The following NCKAP5 variants were observed in gnomAD, a reference collection of about 807,000 sequenced individuals.
NCKAP5 encodes the protein nck-associated protein 5.
In NCKAP5, 92 loss-of-function variants were observed where a neutral mutation model predicts 167.0. That is an observed-to-expected ratio of 0.55 (90% CI 0.47 to 0.66). The LOEUF (loss-of-function observed/expected upper bound fraction) is 0.66. Among genes scored for constraint, NCKAP5 ranks in the 30% least tolerant of loss-of-function variants. The probability of loss-of-function intolerance (pLI) is 0.00; values close to 1 mark genes in which losing one functional copy is unlikely to be tolerated. For missense variants in NCKAP5, 2,378 were observed against 2,315.0 expected, an observed-to-expected ratio of 1.03 and a Z score of -0.56; for synonymous variants, 891 against 877.4, an observed-to-expected ratio of 1.02 and a Z score of -0.27.
chr2:133,612,148 A>G, the NCKAP5 span, among the ~76,000 whole-genome samples: 3 of 152,164 alleles, frequency 2.0e-5, no homozygotes, highest in Non-Finnish European at 2.9e-5. Context: ...TCCAATGATG[A>G]CCTTGGAATG....
intron 8 of NCKAP5, among the ~76,000 whole-genome samples, chr2:132,904,982 ATCT>A (rs1175032238): frequency 6.6e-6 from 1 of 152,150 alleles, no homozygotes; most frequent in Non-Finnish European, 1.5e-5. Flanking sequence ...AGTCAAATCA[ATCT>A]TCTTTTTCCT....
intron 8 of NCKAP5, among the ~76,000 whole-genome samples, chr2:132,902,553 TG>T (rs1693706898): frequency 6.6e-6 from 1 of 152,270 alleles, no homozygotes; most frequent in Non-Finnish European, 1.5e-5. Context: ...CATTAAAAGC[TG>T]CCCAGGTATT....
At chr2:133,256,401 T>G (rs2088620464) in intron 4 of NCKAP5, among the ~76,000 whole-genome samples, 1 of 152,182 alleles carries the variant, frequency 6.6e-6, no homozygotes, top group South Asian at 2.1e-4. Context: ...TATGGCTCAT[T>G]TGGCATATGT....
chr2:133,531,923 T>C lies in NCKAP5; in HGVS notation c.-61-14336A>G, dbSNP rs118128212. Among the ~76,000 whole-genome samples the C allele has an allele frequency of 1.1e-3, 160 of 152,336 alleles. 3 individuals carry two copies. The East Asian group carries it at 0.028, about 27-fold the overall frequency. On this transcript the variant is annotated intron_variant, in intron 2 of 19. Transcript: ENST00000409261. ...AGTAATAAAAGCACTGTAGATGTAG[T>C]TGTAGCCCCATTCCCCTATTCTATC...
intron 6 of NCKAP5, among the ~76,000 whole-genome samples, chr2:133,001,105 T>C (rs2077761584): frequency 6.6e-6 from 1 of 152,140 alleles, no homozygotes; most frequent in African/African-American, 2.4e-5. Flanking sequence ...ACATTTAAGA[T>C]TTATGTATTT....
chr2:132,961,497 A>C (rs2076509563), intron 8 of NCKAP5, among the ~76,000 whole-genome samples: 1 of 152,096 alleles, frequency 6.6e-6, no homozygotes, highest in Admixed American at 6.6e-5. Context: ...AAGCAGTGAC[A>C]CTATGACTAT....
chr2:133,444,111 G>T (rs1381612356), intron 3 of NCKAP5, among the ~76,000 whole-genome samples: 1 of 151,976 alleles, frequency 6.6e-6, no homozygotes, highest in Non-Finnish European at 1.5e-5. Flanking sequence ...TGACCTAGGT[G>T]AAGCTTTTAA....
chr2:132,786,801 T>C (rs1369386309), intron 13 of NCKAP5, among the ~76,000 whole-genome samples: 1 of 152,200 alleles, frequency 6.6e-6, no homozygotes, highest in Non-Finnish European at 1.5e-5. Context: ...AGCAAAGGTA[T>C]GACCTCTGGT....
chr2:133,155,377 G>C (rs186484001), intron 5 of NCKAP5, among the ~76,000 whole-genome samples: 1 of 152,160 alleles, frequency 6.6e-6, no homozygotes, highest in Non-Finnish European at 1.5e-5. Context: ...CTGCTGGGAT[G>C]GGGCTGAGAA....
chr2:133,630,224 T>C, the NCKAP5 span, among the ~76,000 whole-genome samples: 9 of 152,230 alleles, frequency 5.9e-5, no homozygotes, highest in African/African-American at 1.9e-4. Flanking sequence ...ACTATATGAA[T>C]GGAAATTCAT....
chr2:133,028,996 C>T (rs2078789071), intron 6 of NCKAP5, among the ~76,000 whole-genome samples: 1 of 152,172 alleles, frequency 6.6e-6, no homozygotes, highest in Non-Finnish European at 1.5e-5. Flanking sequence ...TTGGAAGCTT[C>T]CTGAGGCCTC....
chr2:132,947,847 G>T (rs1196476727), intron 8 of NCKAP5, among the ~76,000 whole-genome samples: 1 of 152,160 alleles, frequency 6.6e-6, no homozygotes, highest in Admixed American at 6.5e-5. Flanking sequence ...CCTGCCCCAG[G>T]TAACTCATGA....
At chr2:132,905,871 TA>T (rs1166169671) in intron 8 of NCKAP5, among the ~76,000 whole-genome samples, 1 of 152,140 alleles carries the variant, frequency 6.6e-6, no homozygotes, top group Admixed American at 6.5e-5. Context: ...CACTTGCAAA[TA>T]TTTTTTTCCT....
intron 5 of NCKAP5, among the ~76,000 whole-genome samples, chr2:133,130,360 T>G (rs1174845286): frequency 6.6e-6 from 1 of 152,160 alleles, no homozygotes; most frequent in South Asian, 2.1e-4. Context: ...GTGACTTAAT[T>G]CTAACACTTG....
intron 3 of NCKAP5, among the ~76,000 whole-genome samples, chr2:133,439,138 C>T (rs1690676126): frequency 6.6e-6 from 1 of 152,148 alleles, no homozygotes; most frequent in Admixed American, 6.5e-5. Flanking sequence ...TGCTGAAAGG[C>T]AATATTAATC....
At position 133,345,854 on chromosome 2, in the gene NCKAP5, G is replaced by A. The variant is rs995110083; in HGVS notation, c.70-42744C>T. On this transcript the variant is annotated intron_variant, in intron 3 of 19. Transcript: ENST00000409261. ...AGGCCAGGGTGTTGGGAAATTCCTAGGAGGTTTGGGGTATGAGGTATGATA... is the reference window on the plus strand; with the variant it reads ...AGGCCAGGGTGTTGGGAAATTCCTAAGAGGTTTGGGGTATGAGGTATGATA... Among the ~76,000 whole-genome samples, 6 of 152,236 alleles carry A rather than the reference G, an allele frequency of 3.9e-5. No individual in the cohort carries two copies. In the East Asian group the frequency reaches 7.7e-4, roughly 20 times the overall value.
chr2:132,723,413 C>T (rs367848067), intron 19 of NCKAP5, among the ~76,000 whole-genome samples: 143 of 150,318 alleles, frequency 9.5e-4, no homozygotes, highest in African/African-American at 3.2e-3. Context: ...CTACCCGGCT[C>T]GGCCTCCCAA....
At chr2:132,990,686 A>G (rs1269200453) in intron 7 of NCKAP5, among the ~76,000 whole-genome samples, 5 of 152,230 alleles carry the variant, frequency 3.3e-5, no homozygotes, top group Non-Finnish European at 7.3e-5. Context: ...TTGGAGAGAT[A>G]GACTGGAAAG....
the NCKAP5 span, among the ~76,000 whole-genome samples, chr2:133,615,282 C>T: frequency 9.3e-4 from 141 of 151,496 alleles, 1 homozygote; most frequent in Middle Eastern, 6.8e-3. Context: ...ATGACAGGAT[C>T]AAATTCACAC....
Sources: gnomAD v4.1 joint callset for allele counts (sites outside exome capture counted in the v4.1 genomes callset) on GRCh38, gnomAD v4.1.1 for gene constraint, MANE v1.5 for transcripts, NCBI Gene and HGNC (gene_info 2026-07-23, HGNC 2026-07-21) for gene names.